Variants in CCDC150 observed in about 807,000 individuals in gnomAD.
CCDC150 encodes the protein coiled-coil domain-containing protein 150.
A neutral mutation model predicts 156.5 loss-of-function variants in CCDC150; 151 were observed. That is an observed-to-expected ratio of 0.97 (90% CI 0.85 to 1.10). The LOEUF (loss-of-function observed/expected upper bound fraction) is 1.10. Ranked by LOEUF, CCDC150 falls within the 50% of genes least tolerant of loss-of-function variation. CCDC150 has a pLI of 0.00. For missense variants in CCDC150, 1,312 were observed against 1,268.1 expected, an observed-to-expected ratio of 1.03 and a Z score of -0.53; for synonymous variants, 452 against 429.4, an observed-to-expected ratio of 1.05 and a Z score of -0.65.
chr2:196,660,767 T>G (rs1575774117), intron 5 of CCDC150, among the ~76,000 whole-genome samples: 1 of 152,250 alleles, frequency 6.6e-6, no homozygotes, highest in South Asian at 2.1e-4. Flanking sequence ...CTTTTTATGC[T>G]CTTAGCTGTC....
intron 21 of CCDC150, among the ~76,000 whole-genome samples, chr2:196,725,618 T>C (rs1174888825): frequency 1.3e-5 from 2 of 152,238 alleles, no homozygotes; most frequent in African/African-American, 4.8e-5. Flanking sequence ...AAACCCATAG[T>C]CTTAATCACT....
Position 196,664,178 on chromosome 2 carries a change from A to G in CCDC150, c.646-1389A>G, listed in dbSNP as rs184201128. On this transcript the variant is annotated intron_variant, in intron 5 of 27. Transcript: ENST00000389175. ...GACACACCAAGAAATTCTGTTCTTC[A>G]GTGGACACCAGTTGAGTGTCCTGTA... 1.1e-3 allele frequency among the ~76,000 whole-genome samples: 172 copies of G among 152,300 alleles called. 2 individuals are homozygous for G. Among genetic ancestry groups the G allele is most frequent in the Admixed American group, 0.011 (169 of 15,300 alleles).
At chr2:196,702,349 G>GTGTGTGTA (rs1696275833) in intron 15 of CCDC150, among the ~76,000 whole-genome samples, 1 of 149,980 alleles carries the variant, frequency 6.7e-6, no homozygotes, top group Non-Finnish European at 1.5e-5. Context: ...AGTGCTGTGT[G>GTGTGTGTA]TGTGTGTGTG....
At chr2:196,670,030 A>G (rs1181882350) in intron 8 of CCDC150, among the ~76,000 whole-genome samples, 154 bp downstream of exon 8, 1 of 152,208 alleles carries the variant, frequency 6.6e-6, no homozygotes, top group African/African-American at 2.4e-5. Flanking sequence ...GGATAATAGT[A>G]TTAGGAACTA....
At chr2:196,690,843 G>C (rs1204571592) in intron 13 of CCDC150, among the ~76,000 whole-genome samples, 1 of 152,152 alleles carries the variant, frequency 6.6e-6, no homozygotes, top group African/African-American at 2.4e-5. Context: ...CTGTGGGTTT[G>C]TCATAGATGG....
At chr2:196,650,977 G>A (rs1286677274) in intron 2 of CCDC150, among the ~76,000 whole-genome samples, 2 of 152,072 alleles carry the variant, frequency 1.3e-5, no homozygotes, top group Non-Finnish European at 2.9e-5. Flanking sequence ...CTCTTTATTG[G>A]CCTATTCAGA....
At chr2:196,723,213 A>G (rs1363814356) in intron 21 of CCDC150, among the ~76,000 whole-genome samples, 2 of 152,190 alleles carry the variant, frequency 1.3e-5, no homozygotes, top group Non-Finnish European at 2.9e-5. Flanking sequence ...ATAAAGATAA[A>G]AGCTAAACGC....
chr2:196,695,164 G>T lies in CCDC150; in HGVS notation c.1623+5G>T, dbSNP rs1044591463. 7.9e-6 allele frequency: 12 copies of T among 1,526,060 alleles called. No homozygotes were observed. The African/African-American group carries it at 9.6e-5, about 12-fold the overall frequency. The allele number at this position is 1,526,060 out of a possible 1,614,324, so 94.5% of individuals were successfully genotyped here. Reference sequence around the variant, plus strand: ...GTCACTTCTGATTACCATGGGGTGGGTATAAAAAGATCAGTCTAAATAGCA... The same window carrying T: ...GTCACTTCTGATTACCATGGGGTGGTTATAAAAAGATCAGTCTAAATAGCA... On this transcript the variant is annotated splice_donor_5th_base_variant and intron_variant, in intron 14 of 27. Transcript: ENST00000389175.
chr2:196,723,827 A>G (rs934993652), intron 21 of CCDC150, among the ~76,000 whole-genome samples: 2 of 152,196 alleles, frequency 1.3e-5, no homozygotes, highest in African/African-American at 4.8e-5. Flanking sequence ...GATCACAAAG[A>G]GTAAGTGATT....
At chr2:196,682,357 AT>A (rs796176994) in intron 13 of CCDC150, among the ~76,000 whole-genome samples, 41 of 151,882 alleles carry the variant, frequency 2.7e-4, no homozygotes, top group African/African-American at 9.9e-4. Flanking sequence ...CTTGATTACT[AT>A]TGTTTTGTAG....
Position 196,726,004 on chromosome 2 carries a change from G to A in CCDC150, c.2461G>A (p.Ala821Thr), listed in dbSNP as rs760740745. 2.5e-6 allele frequency: 4 copies of A among 1,603,810 alleles called. No individual in the cohort carries two copies. Among genetic ancestry groups the A allele is most frequent in the African/African-American group, 2.7e-5 (2 of 74,918 alleles). Residue 821 changes from alanine to threonine, a missense_variant, in exon 22 of 28, where the codon GCA (alanine) becomes ACA (threonine). Coordinates refer to ENST00000389175, the MANE Select transcript of CCDC150 (RefSeq NM_001080539.2). ...DRMTEESKVEAELHAERIEAL... is the reference protein window; with the variant it reads ...DRMTEESKVETELHAERIEAL... ...GATGACTGAAGAGTCCAAAGTGGAA[G>A]CAGAATTGCATGCTGAACGCATAGA...
intron 17 of CCDC150, among the ~76,000 whole-genome samples, chr2:196,717,475 GA>G (rs1420531628): frequency 1.3e-5 from 2 of 152,042 alleles, no homozygotes; most frequent in African/African-American, 2.4e-5. Flanking sequence ...AATGAAGGTT[GA>G]AAAAAATGGC....
At chr2:196,719,820 T>G in intron 19 of CCDC150, 154 bp downstream of exon 19, 1 of 506,850 alleles carries the variant, frequency 2.0e-6, no homozygotes, top group Admixed American at 3.8e-5. Context: ...TAGAGAAAAT[T>G]TAGAATTAGA....
intron 20 of CCDC150, among the ~76,000 whole-genome samples, chr2:196,720,973 T>C (rs1575961382): frequency 6.6e-6 from 1 of 152,164 alleles, no homozygotes; most frequent in African/African-American, 2.4e-5. Flanking sequence ...AAATATAGTC[T>C]GTCAGAAACA....
chr2:196,716,011 A>G (rs527478113), intron 17 of CCDC150, among the ~76,000 whole-genome samples: 4 of 152,332 alleles, frequency 2.6e-5, no homozygotes, highest in African/African-American at 9.6e-5. Flanking sequence ...TAAGATTTAA[A>G]TACTAAGAAG....
rs1395972631 is a variant in CCDC150 at position 196,726,085 on chromosome 2, C to T, written c.2542C>T (p.Arg848Trp). The change falls in exon 22 of 28, where the codon CGG becomes TGG. Residue 848 changes from arginine to tryptophan, a missense_variant. Arg to Trp is a moderately radical substitution (Grantham distance 101). Transcript: ENST00000389175. ...AGAAACTACAAAGAAAGTGGCACAA[C>T]GGGAAGTGGCTGAGGTATAGTCATG... ...ERETTKKVAQ[R>W]EVAELKKALD... 14 of 1,612,888 alleles carry T rather than the reference C, an allele frequency of 8.7e-6. No homozygotes were observed. The highest frequency in any genetic ancestry group is 1.6e-4 in the Middle Eastern group (1 of 6,080).
intron 2 of CCDC150, among the ~76,000 whole-genome samples, chr2:196,654,969 G>A (rs146919510): frequency 0.027 from 4,064 of 152,280 alleles, 65 homozygotes; most frequent in Middle Eastern, 0.075. Context: ...AGAAGGTTAA[G>A]ATGTGCCAAG....
chr2:196,706,628 A>T (rs1010202236), intron 15 of CCDC150, among the ~76,000 whole-genome samples: 1 of 152,214 alleles, frequency 6.6e-6, no homozygotes, highest in Non-Finnish European at 1.5e-5. Flanking sequence ...TTGCCCATTC[A>T]GTATGATATT....
At chr2:196,688,393 T>A (rs1353286394) in intron 13 of CCDC150, among the ~76,000 whole-genome samples, 1 of 152,228 alleles carries the variant, frequency 6.6e-6, no homozygotes, top group Non-Finnish European at 1.5e-5. Flanking sequence ...GATTTGGCTG[T>A]CAGCTTTACT....
Sources: gnomAD v4.1 joint callset for allele counts (sites outside exome capture counted in the v4.1 genomes callset) on GRCh38, gnomAD v4.1.1 for gene constraint, MANE v1.5 for transcripts, NCBI Gene and HGNC (gene_info 2026-07-23, HGNC 2026-07-21) for gene names.